Variants in GSG1L observed in about 807,000 individuals in gnomAD.
GSG1L encodes germ cell-specific gene 1-like protein.
Under a neutral mutation model 42.1 loss-of-function variants are expected in GSG1L, and 24 were observed. That is an observed-to-expected ratio of 0.57 (90% CI 0.41 to 0.80). The LOEUF (loss-of-function observed/expected upper bound fraction) is 0.80, where lower values mean the gene tolerates loss of function less well. Among genes scored for constraint, GSG1L ranks in the 30% least tolerant of loss-of-function variants. The pLI, the probability that GSG1L is intolerant of heterozygous loss-of-function variation, is 0.00. For synonymous variants in GSG1L, 215 were observed against 203.5 expected (o/e 1.06, Z -0.48); for missense variants, 445 against 472.2 (o/e 0.94, Z 0.53).
rs2083107421 is a variant in GSG1L, at chr16:27,817,359, C to T, written c.831-9805G>A. ...CATCTGTGCCATCCTCAAGGCCAGC[C>T]CCTCTCTCTCTGGCCCCAGACTGAC... On this transcript the variant is annotated intron_variant, in intron 5 of 6. Transcript: ENST00000447459. 2.0e-5 allele frequency among the ~76,000 whole-genome samples: 3 copies of T among 152,204 alleles called. No individual in the cohort carries two copies. The South Asian group carries it at 6.2e-4, about 31-fold the overall frequency.
chr16:27,823,005 GCA>G (rs2083166345), intron 5 of GSG1L, among the ~76,000 whole-genome samples: 1 of 152,176 alleles, frequency 6.6e-6, no homozygotes, highest in Admixed American at 6.5e-5. Flanking sequence ...CATTTGTTTG[GCA>G]CAGCTGAATT....
At chr16:27,979,383 T>A (rs1014914326) in intron 1 of GSG1L, among the ~76,000 whole-genome samples, 1 of 151,222 alleles carries the variant, frequency 6.6e-6, no homozygotes, top group Non-Finnish European at 1.5e-5. Flanking sequence ...CTGGCCAACA[T>A]AATGAAACCC....
At chr16:27,799,861 G>T (rs2082862655) in intron 6 of GSG1L, among the ~76,000 whole-genome samples, 1 of 152,198 alleles carries the variant, frequency 6.6e-6, no homozygotes, top group Non-Finnish European at 1.5e-5. Flanking sequence ...GCGACAAAAT[G>T]CAGACTGGCT....
chr16:28,002,937 G>GA (rs149096202), intron 1 of GSG1L, among the ~76,000 whole-genome samples: 10,562 of 151,666 alleles, frequency 0.07, 1,128 homozygotes, highest in African/African-American at 0.23. Flanking sequence ...CTCCGTCTCA[G>GA]AAAAAAAAGA....
chr16:28,041,696 A>C (rs1361186935), intron 1 of GSG1L, among the ~76,000 whole-genome samples: 1 of 152,210 alleles, frequency 6.6e-6, no homozygotes, highest in African/African-American at 2.4e-5. Context: ...TCAAAAATAG[A>C]GCAGGTGGGT....
intron 1 of GSG1L, among the ~76,000 whole-genome samples, chr16:27,978,839 T>A (rs547532391): frequency 6.6e-6 from 1 of 152,166 alleles, no homozygotes; most frequent in Non-Finnish European, 1.5e-5. Flanking sequence ...ACCATTCCAA[T>A]CTTCTGGGGT....
chr16:27,953,519 G>A lies in GSG1L; in HGVS notation c.397+9637C>T, dbSNP rs367592692. ...GAGAGATTATTGTCATGGCAGGAGA[G>A]ATGTGATGAGAAGCAGAAAGGGGCT... On this transcript the variant is annotated intron_variant, in intron 2 of 6. Coordinates refer to ENST00000447459, the MANE Select transcript of GSG1L (RefSeq NM_001109763.2). 2.9e-4 allele frequency among the ~76,000 whole-genome samples: 44 copies of A among 152,314 alleles called. 2 individuals are homozygous for A. In the South Asian group the frequency reaches 8.9e-3, roughly 31 times the overall value.
intron 2 of GSG1L, among the ~76,000 whole-genome samples, chr16:27,951,132 G>A (rs746252332): frequency 6.6e-6 from 1 of 152,178 alleles, no homozygotes; most frequent in Non-Finnish European, 1.5e-5. Flanking sequence ...TCCTGAAAGC[G>A]AGGTTGCAGT....
intron 5 of GSG1L, among the ~76,000 whole-genome samples, chr16:27,828,454 CAAG>C (rs2083238646): frequency 6.6e-6 from 1 of 152,200 alleles, no homozygotes; most frequent in African/African-American, 2.4e-5. Context: ...TGACAGAGCC[CAAG>C]AAGGAAACCT....
At chr16:27,993,241 C>T (rs962637576) in intron 1 of GSG1L, among the ~76,000 whole-genome samples, 8 of 152,182 alleles carry the variant, frequency 5.3e-5, no homozygotes, top group Admixed American at 3.3e-4. Flanking sequence ...CTCCACCTCC[C>T]GGGCTCAAGC....
chr16:27,941,317 A>G (rs1410425557), intron 2 of GSG1L, among the ~76,000 whole-genome samples: 1 of 151,908 alleles, frequency 6.6e-6, no homozygotes, highest in Non-Finnish European at 1.5e-5. Flanking sequence ...CAACAAAAAA[A>G]CAAACACTGT....
intron 2 of GSG1L, among the ~76,000 whole-genome samples, chr16:27,959,217 G>A (rs1596654113): frequency 1.3e-5 from 2 of 151,662 alleles, no homozygotes; most frequent in East Asian, 3.9e-4. Flanking sequence ...CAACACTTTG[G>A]GAGGCCAACG....
At chr16:27,896,148 TG>T (rs1329373739) in intron 2 of GSG1L, among the ~76,000 whole-genome samples, 1 of 152,016 alleles carries the variant, frequency 6.6e-6, no homozygotes, top group African/African-American at 2.4e-5. Flanking sequence ...CTCCAATGGG[TG>T]GGGCATGCTG....
At chr16:27,992,685 A>G (rs1320503985) in intron 1 of GSG1L, among the ~76,000 whole-genome samples, 1 of 152,160 alleles carries the variant, frequency 6.6e-6, no homozygotes, top group Non-Finnish European at 1.5e-5. Context: ...AGATCTGCTC[A>G]TTGCAGAACA....
At chr16:27,949,919 C>T (rs138396761) in intron 2 of GSG1L, among the ~76,000 whole-genome samples, 1 of 151,982 alleles carries the variant, frequency 6.6e-6, no homozygotes, top group East Asian at 1.9e-4. Context: ...AGTGAGACTC[C>T]GTCTCAAAAC....
intron 2 of GSG1L, among the ~76,000 whole-genome samples, chr16:27,898,358 C>T (rs915651335): frequency 7.1e-6 from 1 of 140,792 alleles, no homozygotes; most frequent in Non-Finnish European, 1.5e-5. Flanking sequence ...GCCCACCCAC[C>T]CCCTGCGAGG....
At chr16:27,925,349 AGGAAGAATGAGTGTCCCC>A (rs1219064146) in intron 2 of GSG1L, among the ~76,000 whole-genome samples, 2 of 152,178 alleles carry the variant, frequency 1.3e-5, no homozygotes, top group Non-Finnish European at 2.9e-5. Flanking sequence ...GGCATTTTCC[AGGAAGAATGAGTGTCCCC>A]GGAAGGCTGT....
intron 2 of GSG1L, among the ~76,000 whole-genome samples, chr16:27,912,320 C>T (rs2068074426): frequency 2.6e-5 from 4 of 152,122 alleles, no homozygotes; most frequent in Admixed American, 6.5e-5. Context: ...TTGAGACCAA[C>T]CTGGGCAACA....
chr16:27,867,922 G>A (rs1239318646), intron 3 of GSG1L, among the ~76,000 whole-genome samples: 1 of 152,188 alleles, frequency 6.6e-6, no homozygotes, highest in African/African-American at 2.4e-5. Flanking sequence ...TTTCTCGCGA[G>A]ACCAGGCCCA....
Sources: gnomAD v4.1 joint callset for allele counts (sites outside exome capture counted in the v4.1 genomes callset) on GRCh38, gnomAD v4.1.1 for gene constraint, MANE v1.5 for transcripts, NCBI Gene and HGNC (gene_info 2026-07-23, HGNC 2026-07-21) for gene names.